The following GLIS3 variants were observed in gnomAD, a reference collection of about 807,000 sequenced individuals.
GLIS3 encodes the protein zinc finger protein GLIS3.
GLIS3 carries 53 observed loss-of-function variants against 78.6 expected under a neutral mutation model. That is an observed-to-expected ratio of 0.67 (90% CI 0.54 to 0.85). The LOEUF is 0.85. Among genes scored for constraint, GLIS3 ranks in the 40% least tolerant of loss-of-function variants. GLIS3 has a pLI of 0.00. For synonymous variants in GLIS3, 684 were observed against 509.9 expected, an observed-to-expected ratio of 1.34 and a Z score of -4.60; for missense variants, 1,703 against 1,231.1, an observed-to-expected ratio of 1.38 and a Z score of -5.74.
chr9:4,154,864 AAGT>A (rs1834936581), intron 2 of GLIS3, among the ~76,000 whole-genome samples: 1 of 152,214 alleles, frequency 6.6e-6, no homozygotes, highest in Non-Finnish European at 1.5e-5. Context: ...GGTACAACGT[AAGT>A]TCAGTAAAAA....
At chr9:4,331,811 A>AC (rs1207997094) in intron 2 of GLIS3, among the ~76,000 whole-genome samples, 2 of 152,202 alleles carry the variant, frequency 1.3e-5, no homozygotes, top group Non-Finnish European at 2.9e-5. Context: ...GGGAAGAGAG[A>AC]CATTGGGAGT....
Position 3,861,624 on chromosome 9 carries a change from T to C in GLIS3, c.2298-5440A>G, listed in dbSNP as rs1479231222. Among the ~76,000 whole-genome samples the C allele has an allele frequency of 6.6e-5, 10 of 152,178 alleles. No homozygotes were observed. In the South Asian group the frequency reaches 2.1e-3, roughly 32 times the overall value. On this transcript the variant is annotated intron_variant, in intron 8 of 10. Transcript: ENST00000381971. The stretch of plus-strand genomic sequence containing the variant: ...GCACCCATAAAAAGGAATGAGATCA[T>C]GTAATTTGCAGGGACATGGATGGAG...
chr9:4,064,203 G>A (rs1239700533), intron 4 of GLIS3, among the ~76,000 whole-genome samples: 1 of 152,002 alleles, frequency 6.6e-6, no homozygotes, highest in Admixed American at 6.6e-5. Flanking sequence ...AAAAAATCTA[G>A]ATTCATACCT....
At position 3,977,830 on chromosome 9, in the gene GLIS3, A is replaced by G. The variant is rs1818915680; in HGVS notation, c.1711-40641T>C. Among the ~76,000 whole-genome samples, 1 of 152,210 alleles carries G rather than the reference A, an allele frequency of 6.6e-6. No individual in the cohort carries two copies. Among genetic ancestry groups the G allele is most frequent in the African/African-American group, 2.4e-5 (1 of 41,462 alleles). ...TGAACCAGGAACACTAGCAGTCATC[A>G]CCATTTCTACAGCAGGCTGTTGCAT... On this transcript the variant is annotated intron_variant, in intron 4 of 10. Transcript: ENST00000381971. The surrounding 1 kb of genome is among the most constrained non-coding windows in gnomAD (Gnocchi z 4.1).
At chr9:3,838,357 C>T (rs1008144989) in intron 9 of GLIS3, among the ~76,000 whole-genome samples, 3 of 152,296 alleles carry the variant, frequency 2.0e-5, no homozygotes, top group African/African-American at 7.2e-5. Flanking sequence ...CTACAGTCCT[C>T]AGCTCTCTGT....
chr9:3,961,532 T>C (rs1471432896), intron 4 of GLIS3, among the ~76,000 whole-genome samples: 1 of 152,232 alleles, frequency 6.6e-6, no homozygotes, highest in Admixed American at 6.5e-5. Flanking sequence ...GTTTCTTGAT[T>C]GTAAATGCAA....
At chr9:4,085,642 C>A (rs1319936056) in intron 4 of GLIS3, among the ~76,000 whole-genome samples, 2 of 152,148 alleles carry the variant, frequency 1.3e-5, no homozygotes, top group East Asian at 3.9e-4. Context: ...GGAGGTGGGG[C>A]CTGGTGGGAG....
the GLIS3 span, among the ~76,000 whole-genome samples, chr9:4,406,610 A>G: frequency 2.0e-5 from 3 of 152,208 alleles, no homozygotes; most frequent in Non-Finnish European, 4.4e-5. Context: ...AAGTTACAGG[A>G]TACAAAATCA....
At chr9:4,262,491 AT>A (rs1015023836) in intron 2 of GLIS3, among the ~76,000 whole-genome samples, 7 of 152,054 alleles carry the variant, frequency 4.6e-5, no homozygotes, top group African/African-American at 1.7e-4. Flanking sequence ...CGTCTCAGGT[AT>A]TTTTTTCATT....
intron 2 of GLIS3, among the ~76,000 whole-genome samples, chr9:4,177,406 A>G (rs966276977): frequency 6.6e-6 from 1 of 152,190 alleles, no homozygotes; most frequent in Non-Finnish European, 1.5e-5. Flanking sequence ...TCACTTTTAG[A>G]TCAGCCCCAA....
chr9:4,208,735 G>C lies in GLIS3; in HGVS notation c.388+77303C>G, dbSNP rs183102604. On this transcript the variant is annotated intron_variant, in intron 2 of 10. Coordinates refer to ENST00000381971, the MANE Select transcript of GLIS3 (RefSeq NM_001042413.2). ...AAAGAGTCTAACTCTGTGTGACAAA[G>C]ATAGGTGTCCAGTTTTGCCCAAAGC... 2.3e-3 allele frequency among the ~76,000 whole-genome samples: 352 copies of C among 152,316 alleles called. 1 individual carries two copies. The highest frequency in any genetic ancestry group is 3.7e-3 in the Non-Finnish European group (255 of 68,028).
chr9:4,071,128 A>G (rs1827567871), intron 4 of GLIS3: 1 of 152,310 alleles, frequency 6.6e-6, no homozygotes, highest in Middle Eastern at 3.4e-3. Context: ...AATTATCACA[A>G]AGTAGTCCTT....
chr9:4,296,131 C>G (rs1194415576), intron 1 of GLIS3, among the ~76,000 whole-genome samples: 1 of 152,086 alleles, frequency 6.6e-6, no homozygotes, highest in East Asian at 1.9e-4. Flanking sequence ...TGTGACGCCA[C>G]TCTGAGTTAT....
intron 2 of GLIS3, among the ~76,000 whole-genome samples, chr9:4,326,517 G>C (rs1161127348): frequency 6.6e-6 from 1 of 152,172 alleles, no homozygotes; most frequent in Non-Finnish European, 1.5e-5. Context: ...GAGACAGAAA[G>C]TGGAGTAGTG....
chr9:4,234,494 T>C (rs559623410), intron 2 of GLIS3, among the ~76,000 whole-genome samples: 26 of 152,356 alleles, frequency 1.7e-4, no homozygotes, highest in Admixed American at 2.0e-4. Flanking sequence ...TTTAGTCTTA[T>C]ATGGGCCAGT....
chr9:3,840,748 C>G (rs1022071539), intron 9 of GLIS3, among the ~76,000 whole-genome samples: 16 of 152,174 alleles, frequency 1.1e-4, no homozygotes, highest in African/African-American at 3.6e-4. Context: ...TTAGAAAAGT[C>G]CACGTGGTTC....
the GLIS3 span, among the ~76,000 whole-genome samples, chr9:4,444,717 C>A: frequency 1.3e-5 from 2 of 152,186 alleles, no homozygotes; most frequent in Non-Finnish European, 2.9e-5. Flanking sequence ...GTATATGGAA[C>A]CAGTGGCATT....
chr9:4,161,025 C>T (rs547509152), intron 2 of GLIS3, among the ~76,000 whole-genome samples: 1 of 148,880 alleles, frequency 6.7e-6, no homozygotes, highest in South Asian at 2.1e-4. Flanking sequence ...GGAAGGATTG[C>T]TTCAAACCAG....
At chr9:4,120,577 G>A (rs1281546301) in intron 3 of GLIS3, among the ~76,000 whole-genome samples, 1 of 152,140 alleles carries the variant, frequency 6.6e-6, no homozygotes, top group Non-Finnish European at 1.5e-5. Flanking sequence ...GGATGTCAAG[G>A]GCCTTTTGGT....
Sources: allele counts gnomAD v4.1 joint callset (sites outside exome capture counted in the v4.1 genomes callset), GRCh38; gene constraint gnomAD v4.1.1; non-coding constraint Gnocchi (gnomAD v3.1); transcripts MANE v1.5; gene names NCBI Gene and HGNC (gene_info 2026-07-23, HGNC 2026-07-21).